The following CHCHD2 variants were observed in gnomAD, a reference collection of about 807,000 sequenced individuals.
CHCHD2 encodes coiled-coil-helix-coiled-coil-helix domain containing 2.
CHCHD2 carries 17 observed loss-of-function variants against 17.5 expected under a neutral mutation model. That is an observed-to-expected ratio of 0.97 (90% CI 0.67 to 1.46). The LOEUF (loss-of-function observed/expected upper bound fraction) is 1.46. CHCHD2 is among the 40% of genes most tolerant of loss of function. The probability of loss-of-function intolerance (pLI) is 0.00; values close to 1 mark genes in which losing one functional copy is unlikely to be tolerated. For missense variants in CHCHD2, 175 were observed against 199.9 expected (o/e 0.88, Z 0.75); for synonymous variants, 63 against 74.3 (o/e 0.85, Z 0.78).
rs796511079 is a variant in CHCHD2 at position 56,101,965 on chromosome 7, G to GGTTTTTT, written c.446-111_446-105dup. 1.9e-5 allele frequency: 22 copies of GGTTTTTT among 1,170,818 alleles called. No homozygotes were observed. The African/African-American group carries it at 2.8e-4, about 15-fold the overall frequency. The allele number at this position is 1,170,818 out of a possible 1,614,324, so 72.5% of individuals were successfully genotyped here. On this transcript the variant is annotated intron_variant, in intron 3 of 3. Coordinates refer to ENST00000395422, the MANE Select transcript of CHCHD2 (RefSeq NM_016139.4). The stretch of plus-strand genomic sequence containing the variant: ...GCAGCGACAAAAGGCCAAGGCTATG[G>GGTTTTTT]GTTTTTTGTTTTTTGTTTTTTTTTG...
At position 56,106,353 on chromosome 7, in the gene CHCHD2, G is replaced by A. The variant is rs1190717087; in HGVS notation, c.50+11C>T. 9 of 1,612,502 alleles carry A rather than the reference G, an allele frequency of 5.6e-6. No homozygotes were observed. The highest frequency in any genetic ancestry group is 6.8e-6 in the Non-Finnish European group (8 of 1,179,262). ...GCCGCGCTTTGGTCTCAAACCCTGCGATGGTCTCACCTGGCCGGAGGGGCC... is the reference window on the plus strand; with the variant it reads ...GCCGCGCTTTGGTCTCAAACCCTGCAATGGTCTCACCTGGCCGGAGGGGCC... On this transcript the variant is annotated intron_variant, in intron 1 of 3. Coordinates refer to ENST00000395422, the MANE Select transcript of CHCHD2 (RefSeq NM_016139.4).
At chr7:56,103,997 G>A (rs1483368431) in intron 2 of CHCHD2, among the ~76,000 whole-genome samples, 1 of 152,176 alleles carries the variant, frequency 6.6e-6, no homozygotes, top group Admixed American at 6.5e-5. Context: ...TGAGTCAAGT[G>A]GACTGTTGTA....
At chr7:56,105,056 G>A (rs1214241458) in intron 1 of CHCHD2, among the ~76,000 whole-genome samples, 3 of 151,422 alleles carry the variant, frequency 2.0e-5, no homozygotes, top group Admixed American at 6.6e-5. Flanking sequence ...GATTACAGGC[G>A]CGCACCACCA....
Position 56,106,437 on chromosome 7 carries a change from T to G in CHCHD2, c.-24A>C. 6.2e-7 allele frequency: 1 copy of G among 1,612,418 alleles called. No homozygotes were observed. Among genetic ancestry groups the G allele is most frequent in the Non-Finnish European group, 8.5e-7 (1 of 1,178,934 alleles). ...ATCCTAGGTAAGCGACGGCTAGGCC[T>G]CCGGACGTGGGACAACCACCGAAGA... On this transcript the variant is annotated 5_prime_UTR_variant, in exon 1 of 4. Transcript: ENST00000395422.
rs1475198704 is a variant in CHCHD2, at chr7:56,106,347, CCCTGCGATGGTCTCA to C, written c.50+2_50+16del. On this transcript the variant is annotated splice_donor_variant and splice_donor_5th_base_variant and intron_variant, in intron 1 of 3. Transcript: ENST00000395422. LOFTEE classifies it high-confidence loss of function. ...CGGACGGCCGCGCTTTGGTCTCAAA[CCCTGCGATGGTCTCA>C]CCTGGCCGGAGGGGCCATGCGGGAG... 6.2e-7 allele frequency: 1 copy of C among 1,612,466 alleles called. No homozygotes were observed. Among genetic ancestry groups the C allele is most frequent in the Non-Finnish European group, 8.5e-7 (1 of 1,179,262 alleles).
intron 3 of CHCHD2, 93 bp from the exon 4 acceptor site, chr7:56,101,954 C>G: frequency 8.1e-7 from 1 of 1,238,880 alleles, no homozygotes; most frequent in South Asian, 1.3e-5. Context: ...CGACAAAAGG[C>G]CAAGGCTATG....
intron 1 of CHCHD2, 107 bp downstream of exon 1, chr7:56,106,257 G>T: frequency 1.9e-6 from 2 of 1,041,408 alleles, no homozygotes; most frequent in Non-Finnish European, 2.8e-6. Flanking sequence ...GCGAGCCCAC[G>T]CCGCAGCCGA....
chr7:56,105,393 A>C (rs953311590), intron 1 of CHCHD2, among the ~76,000 whole-genome samples: 2 of 152,250 alleles, frequency 1.3e-5, no homozygotes, highest in Admixed American at 1.3e-4. Flanking sequence ...TTCAAGTATT[A>C]GGTAACTACA....
At chr7:56,104,112 A>G in intron 2 of CHCHD2, 114 bp downstream of exon 2, 1 of 1,413,480 alleles carries the variant, frequency 7.1e-7, no homozygotes, top group Non-Finnish European at 9.9e-7. Context: ...TTGTCTATTA[A>G]CAGCACAGTG....
In CHCHD2 at chr7:56,101,780, A is replaced by T; in HGVS notation, c.*71T>A. Reference sequence around the variant, plus strand: ...GTTACACTTTATACCCTCACTATCAATTCTATTTTTATACTAAATTAACTT... The same window carrying T: ...GTTACACTTTATACCCTCACTATCATTTCTATTTTTATACTAAATTAACTT... On this transcript the variant is annotated 3_prime_UTR_variant, in exon 4 of 4. Coordinates refer to ENST00000395422, the MANE Select transcript of CHCHD2 (RefSeq NM_016139.4). 2 of 1,402,264 alleles carry T rather than the reference A, an allele frequency of 1.4e-6. No homozygotes were observed. The highest frequency in any genetic ancestry group is 3.6e-5 in the Admixed American group (2 of 55,122). 86.9% of individuals were successfully genotyped at this position (1,402,264 alleles called of 1,614,324 possible). A position where few individuals can be genotyped will look rare whatever the true frequency, so the allele number is the denominator to read the frequency against.
Position 56,106,472 on chromosome 7 carries a change from C to CT in CHCHD2, c.-60dup. The CT allele has an allele frequency of 6.5e-7, 1 of 1,549,770 alleles. No homozygotes were observed. Among genetic ancestry groups the CT allele is most frequent in the African/African-American group, 1.4e-5 (1 of 73,562 alleles). On this transcript the variant is annotated 5_prime_UTR_variant, in exon 1 of 4. Transcript: ENST00000395422. ...GGACAACCACCGAAGAGCTAAGCGA[C>CT]TTCTGAGGAGACCGGAAGATGGGAG...
intron 3 of CHCHD2, 84 bp from the exon 4 acceptor site, chr7:56,101,945 G>A (rs1785292081): frequency 2.0e-5 from 26 of 1,316,624 alleles, no homozygotes; most frequent in African/African-American, 3.0e-5. Flanking sequence ...TGAAAGCAGC[G>A]ACAAAAGGCC....
rs1785386632 is a variant in CHCHD2 at position 56,106,415 on chromosome 7, C to G, written c.-2G>C. ...GCGGCTTCGGCTTCCACGCGGCATC[C>G]TAGGTAAGCGACGGCTAGGCCTCCG... On this transcript the variant is annotated 5_prime_UTR_variant, in exon 1 of 4. Transcript: ENST00000395422. 1 of 1,613,488 alleles carries G rather than the reference C, an allele frequency of 6.2e-7. No homozygotes were observed.
At chr7:56,104,079 G>A (rs1785335962) in intron 2 of CHCHD2, 147 bp downstream of exon 2, 8 of 1,063,564 alleles carry the variant, frequency 7.5e-6, no homozygotes, top group Non-Finnish European at 1.1e-5. Context: ...TAACTCAACG[G>A]CCAAATGTGG....
At chr7:56,105,131 G>A (rs1366219175) in intron 1 of CHCHD2, among the ~76,000 whole-genome samples, 1 of 137,258 alleles carries the variant, frequency 7.3e-6, no homozygotes, top group Non-Finnish European at 1.6e-5. Context: ...GGCTCGTCTC[G>A]AACTCCTGAC....
At chr7:56,104,169 G>T (rs553139628) in intron 2 of CHCHD2, 57 bp downstream of exon 2, 8 of 1,594,154 alleles carry the variant, frequency 5.0e-6, no homozygotes, top group Admixed American at 1.7e-5. Flanking sequence ...ACTTACAAAC[G>T]TCTGGCTTTT....
chr7:56,102,986 T>C lies in CHCHD2; in HGVS notation c.326A>G (p.Gln109Arg). 1.5e-5 allele frequency: 24 copies of C among 1,614,212 alleles called. No individual in the cohort carries two copies. The highest frequency in any genetic ancestry group is 1.9e-5 in the Non-Finnish European group (22 of 1,180,030). The change falls in exon 3 of 4, where the codon CAG (glutamine) becomes CGG (arginine). Residue 109 changes from glutamine to arginine, a missense_variant. Gln to Arg is a conservative substitution (Grantham distance 43, BLOSUM62 1). Transcript: ENST00000395422. The stretch of plus-strand genomic sequence containing the variant: ...CTCATAGAGGCAAGGCTGCTGCTGC[T>C]GTGCTGGCTGGGTTCCCTGAGGCTC... ...YQEPQGTQPA[Q>R]QQQPCLYEIK...
At chr7:56,102,645 A>C (rs1413977893) in intron 3 of CHCHD2, 1 of 499,738 alleles carries the variant, frequency 2.0e-6, no homozygotes, top group Non-Finnish European at 3.6e-6. Context: ...TGGGATTACA[A>C]GCGTGAGCCA....
Position 56,104,416 on chromosome 7 carries a change from G to T in CHCHD2, c.110C>A (p.Ala37Glu). 6.2e-7 allele frequency: 1 copy of T among 1,609,856 alleles called. No individual in the cohort carries two copies. ...AGAGCCAACTGCAGATGGGGGTGCC[G>T]CTGCTGGTGGCTGAGCGACTGGTGC... is the stretch of plus-strand genomic sequence containing the variant. ...RPAPVAQPPA[A>E]APPSAVGSSA... Residue 37 changes from alanine (A) to glutamate (E), a missense_variant, in exon 2 of 4, where the codon GCG (alanine) becomes GAG (glutamate). Coordinates refer to ENST00000395422, the MANE Select transcript of CHCHD2 (RefSeq NM_016139.4).
Sources: allele counts gnomAD v4.1 joint callset (sites outside exome capture counted in the v4.1 genomes callset), GRCh38; gene constraint gnomAD v4.1.1; transcripts MANE v1.5; gene names NCBI Gene and HGNC (gene_info 2026-07-23, HGNC 2026-07-21).